The following MID1 variants were observed in gnomAD, a reference collection of about 807,000 sequenced individuals.
MID1 encodes E3 ubiquitin-protein ligase Midline-1.
A neutral mutation model predicts 40.4 loss-of-function variants in MID1; 7 were observed. The ratio of observed to expected loss-of-function variants is 0.17; its 90% CI spans 0.10 to 0.33. The LOEUF (loss-of-function observed/expected upper bound fraction) is 0.33, where lower values mean the gene tolerates loss of function less well. Among genes scored for constraint, MID1 ranks in the 10% least tolerant of loss-of-function variants. The probability of loss-of-function intolerance (pLI) is 1.00; values close to 1 mark genes in which losing one functional copy is unlikely to be tolerated. For synonymous variants in MID1, 229 were observed against 221.2 expected (o/e 1.04, Z -0.31); for missense variants, 367 against 558.5 (o/e 0.66, Z 3.46).
intron 1 of MID1, among the ~76,000 whole-genome samples, chrX:10,676,404 T>C (rs977004219): frequency 2.7e-5 from 3 of 110,918 alleles, no homozygotes; most frequent in Non-Finnish European, 5.7e-5. Flanking sequence ...CTAACCAACT[T>C]CCCTCCCTTC....
chrX:10,450,756 C>CAAAG, intron 9 of MID1, among the ~76,000 whole-genome samples: 1 of 112,192 alleles, frequency 8.9e-6, no homozygotes, highest in East Asian at 2.8e-4. Flanking sequence ...CAAAAAAATC[C>CAAAG]AAAGAATGCT....
Position 10,796,517 on chromosome X carries a change from C to T in MID1, c.-187+37037G>A, listed in dbSNP as rs148626297. On this transcript the variant is annotated intron_variant, in intron 1 of 10. Transcript: ENST00000380785. ...TGTTTGGGCCAAAGAGAAAAACAGT[C>T]ACCACAGTCCATCAATCTGATTTGT... Among the ~76,000 whole-genome samples, 899 of 106,194 alleles carry T rather than the reference C, an allele frequency of 8.5e-3. 15 individuals carry two copies. The highest frequency in any genetic ancestry group is 0.03 in the African/African-American group (854 of 28,756). 92.2% of individuals were successfully genotyped at this position (106,194 alleles called of 115,157 possible).
Position 10,612,781 on chromosome X carries a change from A to G in MID1, c.-57+7509T>C, listed in dbSNP as rs761774766. On this transcript the variant is annotated intron_variant, in intron 1 of 9. Transcript: ENST00000317552. ...CATGACCTGAAAACATCCAAATTATATCTTAGTAGAAGGCATGTGGTACAG... is the reference window on the plus strand; with the variant it reads ...CATGACCTGAAAACATCCAAATTATGTCTTAGTAGAAGGCATGTGGTACAG... 3.8e-4 allele frequency among the ~76,000 whole-genome samples: 42 copies of G among 111,850 alleles called. No homozygotes were observed. In the South Asian group the frequency reaches 0.016, roughly 42 times the overall value.
intron 1 of MID1, among the ~76,000 whole-genome samples, chrX:10,697,469 G>A (rs1176077322): frequency 3.6e-5 from 4 of 111,783 alleles, no homozygotes; most frequent in Non-Finnish European, 7.5e-5. Flanking sequence ...TTCAGAATAA[G>A]GAGAGAAGAT....
intron 2 of MID1, among the ~76,000 whole-genome samples, chrX:10,539,343 C>T (rs1417738560): frequency 8.9e-6 from 1 of 111,944 alleles, no homozygotes; most frequent in East Asian, 2.8e-4. Flanking sequence ...TGATCCATCT[C>T]CCTATAACAA....
At chrX:10,459,398 G>A (rs771339430) in intron 8 of MID1, among the ~76,000 whole-genome samples, 6 of 112,133 alleles carry the variant, frequency 5.4e-5, no homozygotes, top group Admixed American at 9.4e-5. Flanking sequence ...TAAAAAATGA[G>A]AAGACTCAAT....
chrX:10,565,842 C>T (rs895627103), intron 2 of MID1, among the ~76,000 whole-genome samples: 1 of 103,328 alleles, frequency 9.7e-6, no homozygotes, highest in African/African-American at 3.6e-5. Context: ...GAGAGTCTCG[C>T]TCTTTCACCC....
At chrX:10,594,560 G>A (rs997132377) in intron 1 of MID1, among the ~76,000 whole-genome samples, 2 of 111,382 alleles carry the variant, frequency 1.8e-5, no homozygotes, top group South Asian at 3.8e-4. Flanking sequence ...TTGGGTGCAC[G>A]TGACATCCTT....
intron 1 of MID1, among the ~76,000 whole-genome samples, chrX:10,661,801 A>G (rs7058781): frequency 0.14 from 15,607 of 111,468 alleles, 1,745 homozygotes; most frequent in African/African-American, 0.37. Context: ...AAGGAATTTT[A>G]GACAATGAGT....
At chrX:10,798,432 T>C (rs1189626972) in intron 1 of MID1, among the ~76,000 whole-genome samples, 1 of 112,353 alleles carries the variant, frequency 8.9e-6, no homozygotes, top group Non-Finnish European at 1.9e-5. Flanking sequence ...TTATATCCTA[T>C]GAAATGTCTC....
chrX:10,802,208 AAAAC>A (rs959926800), intron 1 of MID1, among the ~76,000 whole-genome samples: 12 of 111,627 alleles, frequency 1.1e-4, no homozygotes, highest in South Asian at 3.7e-4. Flanking sequence ...AAACAAAACA[AAAAC>A]AAACAAACAA....
intron 1 of MID1, among the ~76,000 whole-genome samples, chrX:10,662,438 A>C (rs1051663490): frequency 1.1e-4 from 12 of 110,672 alleles, no homozygotes; most frequent in Admixed American, 1.1e-3. Flanking sequence ...GATTTAAAAA[A>C]GTAATATAGG....
At chrX:10,611,806 T>G (rs192364911) in intron 1 of MID1, among the ~76,000 whole-genome samples, 1 of 111,699 alleles carries the variant, frequency 9.0e-6, no homozygotes, top group African/African-American at 3.2e-5. Flanking sequence ...ATACAAAAAC[T>G]AATAATATGA....
intron 3 of MID1, 97 bp downstream of exon 3, chrX:10,522,995 G>T: frequency 3.0e-6 from 2 of 661,840 alleles, no homozygotes; most frequent in South Asian, 2.5e-5. Context: ...TTTTAAGAAA[G>T]ATTCTTGTTT....
At chrX:10,707,953 T>C (rs1406957755) in intron 1 of MID1, among the ~76,000 whole-genome samples, 2 of 113,220 alleles carry the variant, frequency 1.8e-5, no homozygotes, top group African/African-American at 3.2e-5. Context: ...GGGAAATCAA[T>C]ATGATTTGGG....
chrX:10,774,825 G>A (rs2043791643), intron 1 of MID1, among the ~76,000 whole-genome samples: 1 of 111,047 alleles, frequency 9.0e-6, no homozygotes, highest in Non-Finnish European at 1.9e-5. Context: ...ATTCTGAAGG[G>A]GGCTTCTAAG....
chrX:10,691,077 A>G (rs1371115634), intron 1 of MID1, among the ~76,000 whole-genome samples: 1 of 112,130 alleles, frequency 8.9e-6, no homozygotes, highest in African/African-American at 3.2e-5. Context: ...ACAATATTTT[A>G]GCTCAGTGCT....
intron 5 of MID1, among the ~76,000 whole-genome samples, chrX:10,481,614 A>ATT (rs571892673): frequency 9.7e-6 from 1 of 103,197 alleles, no homozygotes; most frequent in South Asian, 4.2e-4. Context: ...TAATTTTTGT[A>ATT]TTTTTTTTTT....
intron 1 of MID1, among the ~76,000 whole-genome samples, chrX:10,810,682 G>A (rs181409438): frequency 2.5e-4 from 24 of 97,162 alleles, no homozygotes; most frequent in African/African-American, 8.4e-4. Context: ...CCTCACCAAC[G>A]CTTGTTGTTT....
Sources: gnomAD v4.1 joint callset for allele counts (sites outside exome capture counted in the v4.1 genomes callset) on GRCh38, gnomAD v4.1.1 for gene constraint, MANE v1.5 for transcripts, NCBI Gene and HGNC (gene_info 2026-07-23, HGNC 2026-07-21) for gene names.